The following LTBP1 variants were observed in gnomAD, a reference collection of about 807,000 sequenced individuals.
LTBP1 encodes latent transforming growth factor beta binding protein 1.
Under a neutral mutation model 207.6 loss-of-function variants are expected in LTBP1, and 129 were observed. That is an observed-to-expected ratio of 0.62 (90% CI 0.54 to 0.72). LTBP1 has a LOEUF of 0.72. Among genes scored for constraint, LTBP1 ranks in the 30% least tolerant of loss-of-function variants. The pLI is 0.00. For synonymous variants in LTBP1, 963 were observed against 833.7 expected, an observed-to-expected ratio of 1.16 and a Z score of -2.67; for missense variants, 2,281 against 2,217.2, an observed-to-expected ratio of 1.03 and a Z score of -0.58.
chr2:33,114,182 G>T (rs1162625119), intron 4 of LTBP1, among the ~76,000 whole-genome samples: 1 of 152,184 alleles, frequency 6.6e-6, no homozygotes. Flanking sequence ...AACTTGTGGT[G>T]TTCTGCTTTA....
At chr2:33,373,713 T>G (rs2095100515) in intron 31 of LTBP1, among the ~76,000 whole-genome samples, 1 of 152,174 alleles carries the variant, frequency 6.6e-6, no homozygotes, top group African/African-American at 2.4e-5. Flanking sequence ...TGTTTTCAGT[T>G]TTAGTTAAAT....
At chr2:33,169,238 C>T (rs982855847) in intron 5 of LTBP1, among the ~76,000 whole-genome samples, 2 of 152,204 alleles carry the variant, frequency 1.3e-5, no homozygotes, top group African/African-American at 2.4e-5. Context: ...TAGAAGGTCT[C>T]CATGCCCTTC....
At chr2:33,009,150 C>T (rs563290233) in intron 2 of LTBP1, among the ~76,000 whole-genome samples, 41 of 152,232 alleles carry the variant, frequency 2.7e-4, no homozygotes, top group Non-Finnish European at 5.0e-4. Flanking sequence ...TGAGAATAGA[C>T]TGCAGGGGAT....
At chr2:33,115,037 T>TATACACACACACACACACAC (rs869158793) in intron 4 of LTBP1, among the ~76,000 whole-genome samples, 2 of 145,150 alleles carry the variant, frequency 1.4e-5, no homozygotes, top group Non-Finnish European at 3.0e-5. Flanking sequence ...AACAGATATA[T>TATACACACACACACACACAC]ACACACACAC....
intron 5 of LTBP1, among the ~76,000 whole-genome samples, chr2:33,141,771 G>A (rs1010727245): frequency 3.9e-5 from 6 of 152,202 alleles, no homozygotes; most frequent in South Asian, 2.1e-4. Flanking sequence ...TGTCTAAACC[G>A]TGGAGCACCC....
At chr2:33,200,101 T>C (rs1483555281) in intron 7 of LTBP1, among the ~76,000 whole-genome samples, 4 of 152,170 alleles carry the variant, frequency 2.6e-5, no homozygotes, top group African/African-American at 9.7e-5. Flanking sequence ...CCAATGACTT[T>C]CTTCACAGAA....
At chr2:33,003,543 G>A (rs1163596208) in intron 2 of LTBP1, among the ~76,000 whole-genome samples, 2 of 152,208 alleles carry the variant, frequency 1.3e-5, no homozygotes, top group African/African-American at 4.8e-5. Flanking sequence ...GTGCAACCAG[G>A]TGACGGCAGA....
At chr2:33,211,119 A>G (rs1480747540) in intron 7 of LTBP1, among the ~76,000 whole-genome samples, 3 of 152,210 alleles carry the variant, frequency 2.0e-5, no homozygotes, top group African/African-American at 7.2e-5. Context: ...ACAATTAATA[A>G]GAGTATTTCA....
chr2:33,343,542 CTA>C (rs1485103829), intron 25 of LTBP1, among the ~76,000 whole-genome samples: 1 of 152,092 alleles, frequency 6.6e-6, no homozygotes, highest in Non-Finnish European at 1.5e-5. Context: ...ATGCAGAACT[CTA>C]GACTCCCTTC....
intron 4 of LTBP1, among the ~76,000 whole-genome samples, chr2:33,114,558 C>T (rs762452387): frequency 3.3e-5 from 5 of 152,122 alleles, no homozygotes; most frequent in Non-Finnish European, 7.3e-5. Flanking sequence ...TCTCAGTGTC[C>T]CCACCAACCC....
At chr2:33,070,073 A>G (rs1382478491) in intron 3 of LTBP1, among the ~76,000 whole-genome samples, 1 of 152,138 alleles carries the variant, frequency 6.6e-6, no homozygotes, top group Non-Finnish European at 1.5e-5. Context: ...TGACTCAGCG[A>G]TGTGTCACAT....
intron 10 of LTBP1, 146 bp from the exon 11 acceptor site, chr2:33,252,531 C>A: frequency 1.4e-6 from 1 of 726,820 alleles, no homozygotes; most frequent in Non-Finnish European, 2.1e-6. Context: ...GATTTTTCTT[C>A]AAGAAAGGTG....
chr2:33,373,402 A>C (rs1351611184), intron 31 of LTBP1, among the ~76,000 whole-genome samples: 1 of 152,220 alleles, frequency 6.6e-6, no homozygotes, highest in Non-Finnish European at 1.5e-5. Context: ...GGACTGATGA[A>C]AGAGCAAATG....
intron 2 of LTBP1, among the ~76,000 whole-genome samples, chr2:32,977,301 A>G (rs939425446): frequency 6.6e-6 from 1 of 152,198 alleles, no homozygotes; most frequent in African/African-American, 2.4e-5. Flanking sequence ...CCACCTGGCT[A>G]TGAGCCGACT....
chr2:33,394,004 T>A (rs542632940), intron 32 of LTBP1, among the ~76,000 whole-genome samples: 6,338 of 138,698 alleles, frequency 0.046, 345 homozygotes, highest in Non-Finnish European at 0.062. Context: ...TGAGATGGTA[T>A]CTCATTGTGG....
chr2:33,283,061 C>CAAA (rs201168175), intron 19 of LTBP1, among the ~76,000 whole-genome samples: 39 of 49,202 alleles, frequency 7.9e-4, no homozygotes, highest in Middle Eastern at 7.9e-3. Context: ...GACTCCATCT[C>CAAA]AAAAAAAAAA....
chr2:33,275,184 C>A, intron 17 of LTBP1, 94 bp downstream of exon 17: 1 of 1,443,074 alleles, frequency 6.9e-7, no homozygotes. Flanking sequence ...CCAGACAACC[C>A]AGAATTTTTT....
intron 11 of LTBP1, among the ~76,000 whole-genome samples, chr2:33,254,557 T>A (rs935881571): frequency 1.4e-5 from 2 of 147,110 alleles, no homozygotes; most frequent in Non-Finnish European, 3.0e-5. Context: ...TGGTTTTTTT[T>A]TTTTTTTTTT....
chr2:32,988,170 T>C (rs888580378), intron 2 of LTBP1, among the ~76,000 whole-genome samples: 4 of 152,248 alleles, frequency 2.6e-5, no homozygotes, highest in African/African-American at 7.2e-5. Context: ...CCCAGTAATA[T>C]GGATTTTGGA....
Sources: gnomAD v4.1 joint callset for allele counts (sites outside exome capture counted in the v4.1 genomes callset) on GRCh38, gnomAD v4.1.1 for gene constraint, MANE v1.5 for transcripts, NCBI Gene and HGNC (gene_info 2026-07-23, HGNC 2026-07-21) for gene names.